SCN10A: variants seen among roughly 807,000 people sequenced by gnomAD.
The protein encoded by SCN10A is sodium channel protein type 10 subunit alpha.
In SCN10A, 162 loss-of-function variants were observed where a neutral mutation model predicts 170.7. The ratio of observed to expected loss-of-function variants is 0.95; its 90% CI spans 0.84 to 1.08. The LOEUF is 1.08. Among genes scored for constraint, SCN10A ranks in the 50% least tolerant of loss-of-function variants. The pLI is 0.00. For synonymous variants in SCN10A, 985 were observed against 904.6 expected, an observed-to-expected ratio of 1.09 and a Z score of -1.59; for missense variants, 2,527 against 2,436.9, an observed-to-expected ratio of 1.04 and a Z score of -0.78.
rs1372017503 is a variant in SCN10A, at chr3:38,775,266, T to A, written c.471-3859A>T. 3.3e-5 allele frequency among the ~76,000 whole-genome samples: 5 copies of A among 152,122 alleles called. No homozygotes were observed. The South Asian group carries it at 8.3e-4, about 25-fold the overall frequency. Reference sequence around the variant, plus strand: ...TCCCCATTCCCCCTCTCTGGCAACTTCCATTCTACTTTCTGTCTCCATGAA... The same window carrying A: ...TCCCCATTCCCCCTCTCTGGCAACTACCATTCTACTTTCTGTCTCCATGAA... On this transcript the variant is annotated intron_variant, in intron 4 of 27. Transcript: ENST00000449082.
chr3:38,726,456 C>T lies in SCN10A; in HGVS notation c.3087+150G>A, dbSNP rs7431703. 2,845 of 608,382 alleles carry T rather than the reference C, an allele frequency of 4.7e-3. 83 individuals carry two copies. The Admixed American group carries it at 0.059, about 13-fold the overall frequency. 37.7% of individuals were successfully genotyped at this position (608,382 alleles called of 1,614,324 possible). A position where few individuals can be genotyped will look rare whatever the true frequency, so the allele number is the denominator to read the frequency against. On this transcript the variant is annotated intron_variant, in intron 17 of 27. Coordinates refer to ENST00000449082, the MANE Select transcript of SCN10A (RefSeq NM_006514.4). ...GAATTCTGACTTTTTCTTCCAGGCCCTGCTCAAACGCCAACTCCTCTGGAA... is the reference window on the plus strand; with the variant it reads ...GAATTCTGACTTTTTCTTCCAGGCCTTGCTCAAACGCCAACTCCTCTGGAA...
At chr3:38,815,700 C>T (rs1023622258) in intron 1 of SCN10A, among the ~76,000 whole-genome samples, 1 of 152,202 alleles carries the variant, frequency 6.6e-6, no homozygotes, top group Non-Finnish European at 1.5e-5. Context: ...TGTCTGAAAT[C>T]ACATCTGCTA....
intron 25 of SCN10A, among the ~76,000 whole-genome samples, chr3:38,708,168 T>C (rs779688634): frequency 6.6e-6 from 1 of 152,156 alleles, no homozygotes; most frequent in South Asian, 2.1e-4. Context: ...TGAGAAGATC[T>C]GTGGACACAA....
chr3:38,763,538 G>T lies in SCN10A; in HGVS notation c.658C>A (p.Leu220Ile). The change falls in exon 6 of 28, where the codon CTT (leucine) becomes ATT (isoleucine). Residue 220 changes from leucine to isoleucine, a missense_variant. Physicochemically the swap from Leu to Ile is conservative, Grantham distance 5 (BLOSUM62 2). Coordinates refer to ENST00000449082, the MANE Select transcript of SCN10A (RefSeq NM_006514.4). ...ACAGAAACTGTTTTTAATGCTCTAAGAACTCTGAATGTCCGCAGGCCTGAG... is the reference window on the plus strand; with the variant it reads ...ACAGAAACTGTTTTTAATGCTCTAATAACTCTGAATGTCCGCAGGCCTGAG... ...GISGLRTFRVLRALKTVSVIP... is the reference protein window; with the variant it reads ...GISGLRTFRVIRALKTVSVIP... 1 of 1,614,056 alleles carries T rather than the reference G, an allele frequency of 6.2e-7. No individual in the cohort carries two copies. The highest frequency in any genetic ancestry group is 2.2e-5 in the East Asian group (1 of 44,888).
chr3:38,741,816 C>A (rs1326993344), intron 14 of SCN10A, among the ~76,000 whole-genome samples: 1 of 152,192 alleles, frequency 6.6e-6, no homozygotes, highest in African/African-American at 2.4e-5. Flanking sequence ...CCCCTTCCCT[C>A]CCCAACTCTT....
At chr3:38,752,979 T>C (rs1218879387) in intron 11 of SCN10A, among the ~76,000 whole-genome samples, 2 of 152,096 alleles carry the variant, frequency 1.3e-5, no homozygotes, top group Non-Finnish European at 2.9e-5. Context: ...TGTCTGAAAA[T>C]TAGGTAGTAC....
At chr3:38,757,993 C>A (rs561388615) in intron 8 of SCN10A, among the ~76,000 whole-genome samples, 1 of 152,276 alleles carries the variant, frequency 6.6e-6, no homozygotes, top group Non-Finnish European at 1.5e-5. Flanking sequence ...AACAGCAATG[C>A]CTCGTTTGAA....
At chr3:38,714,931 G>T (rs1233306564) in intron 21 of SCN10A, among the ~76,000 whole-genome samples, 7 of 152,194 alleles carry the variant, frequency 4.6e-5, no homozygotes, top group African/African-American at 1.7e-4. Context: ...CAGATGGTGG[G>T]CTGAATTCAG....
intron 27 of SCN10A, among the ~76,000 whole-genome samples, chr3:38,700,540 C>G (rs2125981877): frequency 6.6e-6 from 1 of 152,294 alleles, no homozygotes; most frequent in East Asian, 1.9e-4. Flanking sequence ...TGGGTGTATA[C>G]TTATCTCCAA....
At chr3:38,749,741 T>G (rs1488684048) in intron 13 of SCN10A, among the ~76,000 whole-genome samples, 1 of 152,242 alleles carries the variant, frequency 6.6e-6, no homozygotes, top group Non-Finnish European at 1.5e-5. Flanking sequence ...TTAAATTTCT[T>G]GTACACCGGA....
At position 38,728,683 on chromosome 3, in the gene SCN10A, G is replaced by T; in HGVS notation, c.2499C>A (p.His833Gln). 6.2e-7 allele frequency: 1 copy of T among 1,614,216 alleles called. No individual in the cohort carries two copies. Residue 833 changes from histidine to glutamine, a missense_variant, in exon 16 of 28, where the codon CAC becomes CAA. Transcript: ENST00000449082. ...PHEDWPRWHM[H>Q]DFFHSFLIVF... ...CAATGAGGAAAGAGTGGAAGAAGTC[G>T]TGCATGTGCCAGCGGGGCCAGTCTT...
At chr3:38,744,166 A>G (rs1268741290) in intron 13 of SCN10A, among the ~76,000 whole-genome samples, 1 of 152,218 alleles carries the variant, frequency 6.6e-6, no homozygotes, top group Non-Finnish European at 1.5e-5. Flanking sequence ...GTGTATGTGC[A>G]TGCATGTGCT....
Position 38,696,824 on chromosome 3 carries a change from AT to A in SCN10A, c.*524del, listed in dbSNP as rs1443533505. 6.3e-6 allele frequency: 1 copy of A among 158,196 alleles called. No homozygotes were observed. Among genetic ancestry groups the A allele is most frequent in the Non-Finnish European group, 1.4e-5 (1 of 71,068 alleles). 9.8% of individuals were successfully genotyped at this position (158,196 alleles called of 1,614,324 possible). Reference sequence around the variant, plus strand: ...TGTGGACATACATTTAAAAATATTAATTTTAATGGATATCTCAAAGGCTTTT... The same window carrying A: ...TGTGGACATACATTTAAAAATATTAATTTAATGGATATCTCAAAGGCTTTT... On this transcript the variant is annotated 3_prime_UTR_variant, in exon 28 of 28. Transcript: ENST00000449082.
intron 7 of SCN10A, 63 bp from the exon 8 acceptor site, chr3:38,760,810 G>T: frequency 2.2e-6 from 3 of 1,339,834 alleles, no homozygotes; most frequent in Non-Finnish European, 3.2e-6. Flanking sequence ...CAAGCCTTGT[G>T]TGGTGAATGC....
rs573171608 is a variant in SCN10A, at chr3:38,812,679, T to C, written c.-33+3358A>G. ...AGAGTCAGCACTTGCTAGATGTTTC[T>C]GATTCTCTTCCTGTCACTGCACTCT... is the stretch of plus-strand genomic sequence containing the variant. On this transcript the variant is annotated intron_variant, in intron 1 of 27. Coordinates refer to ENST00000449082, the MANE Select transcript of SCN10A (RefSeq NM_006514.4). Among the ~76,000 whole-genome samples the C allele has an allele frequency of 7.2e-5, 11 of 152,278 alleles. No individual in the cohort carries two copies. The South Asian group carries it at 2.3e-3, about 32-fold the overall frequency.
At chr3:38,787,096 A>G (rs1180320292) in intron 4 of SCN10A, among the ~76,000 whole-genome samples, 2 of 152,152 alleles carry the variant, frequency 1.3e-5, no homozygotes. Flanking sequence ...TGATTTGAGG[A>G]TCATATTAAA....
Position 38,755,834 on chromosome 3 carries a change from T to A in SCN10A, c.1415A>T (p.Glu472Val), listed in dbSNP as rs767602286. 1.9e-6 allele frequency: 3 copies of A among 1,614,034 alleles called. No homozygotes were observed. Among genetic ancestry groups the A allele is most frequent in the African/African-American group, 2.7e-5 (2 of 74,938 alleles). Residue 472 changes from glutamate (E) to valine (V), a missense_variant, in exon 11 of 28, where the codon GAA becomes GTA. Physicochemically the swap from Glu to Val is moderately radical, Grantham distance 121. Coordinates refer to ENST00000449082, the MANE Select transcript of SCN10A (RefSeq NM_006514.4). ...IKPRVSEGST[E>V]DNKSPRSDPY... ...ATCAGAGCGGGGTGATTTGTTGTCT[T>A]CTGTGGAGCCCTCTGACACTCTTGG...
At chr3:38,726,241 G>A (rs1289608706) in intron 17 of SCN10A, among the ~76,000 whole-genome samples, 4 of 152,214 alleles carry the variant, frequency 2.6e-5, no homozygotes. Context: ...TTCTTAGGAT[G>A]CTGGTAAAGA....
At chr3:38,714,224 T>C (rs1001942031) in intron 21 of SCN10A, 144 bp from the exon 22 acceptor site, 1 of 941,792 alleles carries the variant, frequency 1.1e-6, no homozygotes, top group Non-Finnish European at 1.6e-6. Flanking sequence ...GGAACTCCAA[T>C]GAGAGGTCTA....
Sources: allele counts gnomAD v4.1 joint callset (sites outside exome capture counted in the v4.1 genomes callset), GRCh38; gene constraint gnomAD v4.1.1; transcripts MANE v1.5; gene names NCBI Gene and HGNC (gene_info 2026-07-23, HGNC 2026-07-21).